Variants in EPHA5 observed in about 807,000 individuals in gnomAD.
EPHA5 encodes the protein ephrin type-A receptor 5.
EPHA5 carries 60 observed loss-of-function variants against 105.0 expected under a neutral mutation model. The observed-to-expected ratio is 0.57, with a 90% CI of 0.46 to 0.71. EPHA5 has a LOEUF of 0.71. Among genes scored for constraint, EPHA5 ranks in the 30% least tolerant of loss-of-function variants. The pLI, the probability that EPHA5 is intolerant of heterozygous loss-of-function variation, is 0.00. For synonymous variants in EPHA5, 513 were observed against 449.1 expected (o/e 1.14, Z -1.80); for missense variants, 1,218 against 1,274.7 (o/e 0.96, Z 0.68).
rs28427017 is a variant in EPHA5 at position 65,401,112 on chromosome 4, G to C, written c.1793+3262C>G. On this transcript the variant is annotated intron_variant, in intron 8 of 16. Transcript: ENST00000613740. ...AATCATGTTTTAGCACAGAGAGATGGGAGCAACATATATAATCCTATATTT... is the reference window on the plus strand; with the variant it reads ...AATCATGTTTTAGCACAGAGAGATGCGAGCAACATATATAATCCTATATTT... Among the ~76,000 whole-genome samples, 1,155 of 151,804 alleles carry C rather than the reference G, an allele frequency of 7.6e-3. 15 individuals are homozygous for C. The highest frequency in any genetic ancestry group is 0.026 in the African/African-American group (1,083 of 41,464).
At chr4:65,339,119 C>T (rs1337695672) in intron 14 of EPHA5, among the ~76,000 whole-genome samples, 1 of 152,152 alleles carries the variant, frequency 6.6e-6, no homozygotes, top group East Asian at 1.9e-4. Flanking sequence ...GAACACAATA[C>T]TGCCTCTCTT....
At chr4:65,462,498 T>G (rs891281604) in intron 5 of EPHA5, among the ~76,000 whole-genome samples, 3 of 152,142 alleles carry the variant, frequency 2.0e-5, no homozygotes, top group Non-Finnish European at 1.5e-5. Flanking sequence ...CAGGTCTGTA[T>G]TCATCTCAAA....
At chr4:65,593,732 G>T (rs937387538) in intron 3 of EPHA5, among the ~76,000 whole-genome samples, 2 of 152,174 alleles carry the variant, frequency 1.3e-5, no homozygotes, top group East Asian at 3.9e-4. Flanking sequence ...CCACAGTTAC[G>T]TATTTACCAA....
chr4:65,515,301 A>G (rs1037085223), intron 3 of EPHA5, among the ~76,000 whole-genome samples: 7 of 152,166 alleles, frequency 4.6e-5, no homozygotes, highest in Non-Finnish European at 7.3e-5. Flanking sequence ...TTTAAAAAAA[A>G]CAACAACATT....
chr4:65,406,058 A>G (rs1722327401), intron 7 of EPHA5, among the ~76,000 whole-genome samples: 1 of 152,056 alleles, frequency 6.6e-6, no homozygotes, highest in Non-Finnish European at 1.5e-5. Context: ...AGACGTCTTC[A>G]TTTGCTCCGT....
chr4:65,600,975 C>T (rs1385285044), intron 3 of EPHA5, among the ~76,000 whole-genome samples: 2 of 151,938 alleles, frequency 1.3e-5, no homozygotes, highest in African/African-American at 2.4e-5. Flanking sequence ...AAAAAAAATC[C>T]CCCAGGGCAA....
intron 16 of EPHA5, chr4:65,331,194 T>C: frequency 1.9e-6 from 2 of 1,029,012 alleles, no homozygotes; most frequent in South Asian, 4.6e-5. Context: ...GGTTAAAACA[T>C]TAATGTTAAT....
chr4:65,601,551 A>G, intron 3 of EPHA5, 90 bp downstream of exon 3: 1 of 1,238,730 alleles, frequency 8.1e-7, no homozygotes, highest in Non-Finnish European at 1.1e-6. Flanking sequence ...GCAAAGTAAA[A>G]GGTCATTTCC....
At chr4:65,400,338 G>A (rs1029397505) in intron 8 of EPHA5, among the ~76,000 whole-genome samples, 1 of 152,090 alleles carries the variant, frequency 6.6e-6, no homozygotes, top group African/African-American at 2.4e-5. Context: ...CATAGTTTGT[G>A]GAAGGCATAT....
At chr4:65,384,631 T>C (rs1719905234) in intron 8 of EPHA5, among the ~76,000 whole-genome samples, 1 of 151,934 alleles carries the variant, frequency 6.6e-6, no homozygotes, top group African/African-American at 2.4e-5. Flanking sequence ...ACCAAATGCA[T>C]GTGATGTTGG....
chr4:65,492,588 C>G (rs1286131634), intron 4 of EPHA5, among the ~76,000 whole-genome samples: 1 of 150,030 alleles, frequency 6.7e-6, no homozygotes, highest in Non-Finnish European at 1.5e-5. Flanking sequence ...TGTTTGAATC[C>G]TATGAATTTT....
intron 5 of EPHA5, among the ~76,000 whole-genome samples, chr4:65,482,876 T>C (rs2149192920): frequency 6.6e-6 from 1 of 151,562 alleles, no homozygotes; most frequent in South Asian, 2.1e-4. Context: ...TTTTTATTAT[T>C]ATACTTTAAG....
At chr4:65,630,270 G>T (rs1287982843) in intron 2 of EPHA5, among the ~76,000 whole-genome samples, 1 of 152,102 alleles carries the variant, frequency 6.6e-6, no homozygotes, top group African/African-American at 2.4e-5. Context: ...CTCAAGAGTT[G>T]GGCGGGTGGG....
intron 7 of EPHA5, among the ~76,000 whole-genome samples, chr4:65,407,762 C>CT (rs35390872): frequency 0.027 from 4,026 of 150,558 alleles, 68 homozygotes; most frequent in African/African-American, 0.039. Flanking sequence ...TTTACATTTT[C>CT]TTTTTTTTGT....
chr4:65,634,046 T>C (rs899649255), intron 2 of EPHA5, among the ~76,000 whole-genome samples: 2 of 151,982 alleles, frequency 1.3e-5, no homozygotes, highest in African/African-American at 4.8e-5. Context: ...GGAACAGAGT[T>C]TGTCTGGATG....
rs530641227 is a variant in EPHA5, at chr4:65,321,738, A to G, written c.*2376T>C. ...TATATTGCAACTTAAAGTTCTAGTCATTTAGATACACTCCACCCGGACCTC... is the reference window on the plus strand; with the variant it reads ...TATATTGCAACTTAAAGTTCTAGTCGTTTAGATACACTCCACCCGGACCTC... On this transcript the variant is annotated 3_prime_UTR_variant, in exon 17 of 17. Transcript: ENST00000613740. 16 of 228,556 alleles carry G rather than the reference A, an allele frequency of 7.0e-5. No individual in the cohort carries two copies. The highest frequency in any genetic ancestry group is 2.7e-4 in the African/African-American group (12 of 45,182). 14.2% of individuals were successfully genotyped at this position (228,556 alleles called of 1,614,324 possible).
intron 7 of EPHA5, among the ~76,000 whole-genome samples, chr4:65,407,928 G>A (rs1031433490): frequency 7.2e-6 from 1 of 139,168 alleles, no homozygotes; most frequent in Non-Finnish European, 1.6e-5. Context: ...GCTAATTTTT[G>A]CATTTTTTTT....
chr4:65,569,101 T>C (rs1739856509), intron 3 of EPHA5, among the ~76,000 whole-genome samples: 1 of 151,498 alleles, frequency 6.6e-6, no homozygotes, highest in Non-Finnish European at 1.5e-5. Flanking sequence ...ATATTTCAAG[T>C]ATCTATTTTG....
chr4:65,466,114 G>T (rs1297352307), intron 5 of EPHA5, among the ~76,000 whole-genome samples: 1 of 152,244 alleles, frequency 6.6e-6, no homozygotes, highest in Non-Finnish European at 1.5e-5. Flanking sequence ...TTGTATGTGT[G>T]CATGTGTGTG....
Sources: gnomAD v4.1 joint callset for allele counts (sites outside exome capture counted in the v4.1 genomes callset) on GRCh38, gnomAD v4.1.1 for gene constraint, MANE v1.5 for transcripts, NCBI Gene and HGNC (gene_info 2026-07-23, HGNC 2026-07-21) for gene names.